The following NCAM2 variants were observed in gnomAD, a reference collection of about 807,000 sequenced individuals.
The protein encoded by NCAM2 is N-CAM-2.
A neutral mutation model predicts 98.1 loss-of-function variants in NCAM2; 30 were observed. The observed-to-expected ratio is 0.31, with a 90% CI of 0.23 to 0.41. NCAM2 has a LOEUF of 0.41. NCAM2 is among the 10% of genes least tolerant of loss of function. NCAM2 has a pLI of 1.00. For missense variants in NCAM2, 867 were observed against 1,005.8 expected (o/e 0.86, Z 1.87); for synonymous variants, 368 against 342.4 (o/e 1.07, Z -0.83).
chr21:21,353,309 T>C (rs1390023821), intron 8 of NCAM2, among the ~76,000 whole-genome samples: 1 of 152,170 alleles, frequency 6.6e-6, no homozygotes, highest in African/African-American at 2.4e-5. Context: ...TTGTCAGAGA[T>C]TGTGCTTCCG....
intron 1 of NCAM2, among the ~76,000 whole-genome samples, chr21:21,177,656 C>G (rs1276777193): frequency 1.3e-5 from 2 of 151,784 alleles, no homozygotes; most frequent in African/African-American, 4.8e-5. Flanking sequence ...AAAGTAATGC[C>G]ATGTTAACAT....
intron 12 of NCAM2, among the ~76,000 whole-genome samples, chr21:21,449,749 G>A (rs1980744828): frequency 1.3e-5 from 2 of 151,994 alleles, no homozygotes; most frequent in South Asian, 4.1e-4. Flanking sequence ...AATGGCTTAA[G>A]ATGCTTATAT....
In NCAM2 at chr21:21,194,402, C is replaced by T. The variant is rs372039088; in HGVS notation, c.56-86176C>T. 7.2e-5 allele frequency among the ~76,000 whole-genome samples: 11 copies of T among 152,208 alleles called. No homozygotes were observed. In the East Asian group the frequency reaches 1.9e-3, roughly 27 times the overall value. ...ATTATATCTTAGGACTTGACCTAAA[C>T]TTTTTACATCTATTAACTCATATAC... is the stretch of plus-strand genomic sequence containing the variant. On this transcript the variant is annotated intron_variant, in intron 1 of 17. Transcript: ENST00000400546.
chr21:21,106,608 A>G (rs1400927412), intron 1 of NCAM2, among the ~76,000 whole-genome samples: 1 of 151,848 alleles, frequency 6.6e-6, no homozygotes, highest in Non-Finnish European at 1.5e-5. Context: ...TGTAGTCTTT[A>G]TGCTTACATC....
At chr21:21,327,295 A>G (rs1386818105) in intron 6 of NCAM2, among the ~76,000 whole-genome samples, 1 of 132,774 alleles carries the variant, frequency 7.5e-6, no homozygotes, top group Admixed American at 8.2e-5. Context: ...CAACAGAGCA[A>G]GACTCTGTCT....
At chr21:21,136,641 T>A (rs77123242) in intron 1 of NCAM2, among the ~76,000 whole-genome samples, 9 of 127,920 alleles carry the variant, frequency 7.0e-5, no homozygotes, top group African/African-American at 1.6e-4. Flanking sequence ...TTTTTTTTTT[T>A]ATTTTTAGTA....
intron 1 of NCAM2, among the ~76,000 whole-genome samples, chr21:21,078,713 A>C (rs975937131): frequency 1.3e-5 from 2 of 152,204 alleles, no homozygotes; most frequent in Non-Finnish European, 2.9e-5. Context: ...ATAAATCATT[A>C]TATTATAAAG....
intron 8 of NCAM2, among the ~76,000 whole-genome samples, chr21:21,369,896 A>AT (rs1039880691): frequency 2.0e-5 from 3 of 151,032 alleles, no homozygotes; most frequent in Non-Finnish European, 4.4e-5. Context: ...CACAGTTACC[A>AT]TTTTTTTCCT....
intron 7 of NCAM2, among the ~76,000 whole-genome samples, chr21:21,336,726 A>G (rs2074881498): frequency 6.6e-6 from 1 of 152,174 alleles, no homozygotes; most frequent in Non-Finnish European, 1.5e-5. Flanking sequence ...TATAAAGCTT[A>G]TTTTCAAGTG....
intron 4 of NCAM2, among the ~76,000 whole-genome samples, chr21:21,288,108 T>C (rs971434720): frequency 1.3e-5 from 2 of 151,642 alleles, no homozygotes; most frequent in Non-Finnish European, 2.9e-5. Context: ...TACATCTGGA[T>C]TATCCATAAT....
chr21:21,292,520 T>C (rs1273424312), intron 5 of NCAM2, among the ~76,000 whole-genome samples: 1 of 151,962 alleles, frequency 6.6e-6, no homozygotes, highest in Non-Finnish European at 1.5e-5. Flanking sequence ...TGAAAGAATA[T>C]CAAATAAACA....
At chr21:21,362,540 A>G (rs2075673358) in intron 8 of NCAM2, among the ~76,000 whole-genome samples, 1 of 152,000 alleles carries the variant, frequency 6.6e-6, no homozygotes, top group African/African-American at 2.4e-5. Flanking sequence ...CTACAGGCAC[A>G]TGCCACCATG....
At chr21:21,216,187 T>C (rs1181099693) in intron 1 of NCAM2, among the ~76,000 whole-genome samples, 3 of 152,114 alleles carry the variant, frequency 2.0e-5, no homozygotes, top group Non-Finnish European at 2.9e-5. Context: ...CAGGAAAATA[T>C]CAGATAGTCA....
chr21:21,414,360 A>G (rs1273448548), intron 10 of NCAM2, among the ~76,000 whole-genome samples: 2 of 152,166 alleles, frequency 1.3e-5, no homozygotes, highest in African/African-American at 4.8e-5. Context: ...TGGCGTCAGC[A>G]TGGTGAATCC....
chr21:21,103,096 C>T (rs936588581), intron 1 of NCAM2, among the ~76,000 whole-genome samples: 2 of 152,026 alleles, frequency 1.3e-5, no homozygotes, highest in African/African-American at 2.4e-5. Flanking sequence ...AGCTTACAGT[C>T]TCCTAGGAAA....
intron 10 of NCAM2, among the ~76,000 whole-genome samples, chr21:21,415,296 G>C (rs1240144780): frequency 1.5e-5 from 2 of 136,150 alleles, no homozygotes; most frequent in Non-Finnish European, 3.2e-5. Flanking sequence ...CTATTTTTTA[G>C]TGTAGTCAAT....
chr21:21,023,005 G>A (rs968728419), intron 1 of NCAM2, among the ~76,000 whole-genome samples: 10 of 152,096 alleles, frequency 6.6e-5, no homozygotes, highest in African/African-American at 2.4e-4. Flanking sequence ...GTCTAAAAAT[G>A]TGAAAATACA....
At chr21:21,038,488 A>G (rs1250806188) in intron 1 of NCAM2, among the ~76,000 whole-genome samples, 2 of 152,066 alleles carry the variant, frequency 1.3e-5, no homozygotes, top group Non-Finnish European at 2.9e-5. Context: ...TCATGGGGGC[A>G]GTTACCCTCA....
At chr21:21,198,638 A>G (rs1000814725) in intron 1 of NCAM2, among the ~76,000 whole-genome samples, 2 of 152,170 alleles carry the variant, frequency 1.3e-5, no homozygotes, top group African/African-American at 4.8e-5. Flanking sequence ...AGGTCTGTTG[A>G]TAATAACTAC....
Sources: gnomAD v4.1 joint callset for allele counts (sites outside exome capture counted in the v4.1 genomes callset) on GRCh38, gnomAD v4.1.1 for gene constraint, MANE v1.5 for transcripts, NCBI Gene and HGNC (gene_info 2026-07-23, HGNC 2026-07-21) for gene names.